The following PTPN12 variants were observed in gnomAD, a reference collection of about 807,000 sequenced individuals.
The protein encoded by PTPN12 is tyrosine-protein phosphatase non-receptor type 12.
PTPN12 carries 29 observed loss-of-function variants against 97.6 expected under a neutral mutation model. The observed-to-expected ratio is 0.30, with a 90% CI of 0.22 to 0.41. The LOEUF (loss-of-function observed/expected upper bound fraction) is 0.41. Among genes scored for constraint, PTPN12 ranks in the 10% least tolerant of loss-of-function variants. The pLI is 1.00. For synonymous variants in PTPN12, 327 were observed against 300.4 expected (o/e 1.09, Z -0.91); for missense variants, 819 against 926.0 (o/e 0.88, Z 1.50).
chr7:77,634,484 G>A (rs1182248764), intron 14 of PTPN12, among the ~76,000 whole-genome samples: 2 of 151,818 alleles, frequency 1.3e-5, no homozygotes, highest in Non-Finnish European at 2.9e-5. Context: ...CTGTCGCCCC[G>A]GCTGGAGTGC....
intron 4 of PTPN12, 32 bp downstream of exon 4, chr7:77,583,682 A>G (rs779826136): frequency 7.4e-7 from 1 of 1,348,176 alleles, no homozygotes; most frequent in South Asian, 1.3e-5. Flanking sequence ...ATAAATTTTG[A>G]GAAATACTTA....
chr7:77,555,613 A>C (rs1175966111), intron 1 of PTPN12, among the ~76,000 whole-genome samples: 1 of 152,132 alleles, frequency 6.6e-6, no homozygotes, highest in Non-Finnish European at 1.5e-5. Flanking sequence ...GTTTTTTAAA[A>C]AAATCTCTAG....
At chr7:77,538,314 C>A (rs1022388577) in intron 1 of PTPN12, among the ~76,000 whole-genome samples, 1 of 151,990 alleles carries the variant, frequency 6.6e-6, no homozygotes, top group Non-Finnish European at 1.5e-5. Flanking sequence ...TCTTGGGGTC[C>A]GTGTGACTAT....
intron 11 of PTPN12, among the ~76,000 whole-genome samples, chr7:77,617,774 C>G (rs1788801907): frequency 6.6e-6 from 1 of 152,090 alleles, no homozygotes; most frequent in African/African-American, 2.4e-5. Context: ...TTCACCGCTC[C>G]CCTATTCACA....
In PTPN12 at chr7:77,546,049, G is replaced by C. The variant is rs866033659; in HGVS notation, c.99+8404G>C. On this transcript the variant is annotated intron_variant, in intron 1 of 17. Transcript: ENST00000248594. ...TGGGTTCAAGCAATTCTGCTGCCTC[G>C]GTCTCCTGAGTAGCTGGGATTACGG... Among the ~76,000 whole-genome samples, 8 of 152,102 alleles carry C rather than the reference G, an allele frequency of 5.3e-5. No individual in the cohort carries two copies. In the East Asian group the frequency reaches 1.5e-3, roughly 29 times the overall value.
At chr7:77,555,218 CTT>C (rs199567759) in intron 1 of PTPN12, among the ~76,000 whole-genome samples, 10 of 138,390 alleles carry the variant, frequency 7.2e-5, no homozygotes, top group African/African-American at 1.6e-4. Flanking sequence ...ATTTGTTTAT[CTT>C]TTTTTTTTTT....
At chr7:77,633,425 C>T (rs1789474553) in intron 14 of PTPN12, among the ~76,000 whole-genome samples, 2 of 152,024 alleles carry the variant, frequency 1.3e-5, no homozygotes, top group Admixed American at 6.6e-5. Flanking sequence ...CTGGCTAACA[C>T]ACTGAAACCC....
chr7:77,553,945 CT>C (rs56333533), intron 1 of PTPN12, among the ~76,000 whole-genome samples: 103,264 of 147,284 alleles, frequency 0.7, 36,876 homozygotes, highest in East Asian at 0.89. Flanking sequence ...AGTTTTACTT[CT>C]TTTTTTTTTT....
At chr7:77,538,550 A>T (rs1265952783) in intron 1 of PTPN12, among the ~76,000 whole-genome samples, 2 of 148,692 alleles carry the variant, frequency 1.3e-5, no homozygotes, top group African/African-American at 2.5e-5. Context: ...CGCCTCCGCC[A>T]CCCCCTACTT....
At chr7:77,609,896 A>AG (rs1466223576) in intron 9 of PTPN12, among the ~76,000 whole-genome samples, 1 of 151,104 alleles carries the variant, frequency 6.6e-6, no homozygotes, top group African/African-American at 2.4e-5. Context: ...AAAAACAACA[A>AG]AAAAAAAACC....
chr7:77,597,273 G>A (rs1018806504), intron 6 of PTPN12, among the ~76,000 whole-genome samples: 10 of 152,070 alleles, frequency 6.6e-5, no homozygotes, highest in East Asian at 3.9e-4. Flanking sequence ...ACAGGTGCGC[G>A]CCACCACACA....
intron 1 of PTPN12, among the ~76,000 whole-genome samples, chr7:77,565,463 T>G (rs2151312807): frequency 6.6e-6 from 1 of 152,306 alleles, no homozygotes; most frequent in South Asian, 2.1e-4. Context: ...TGGTGGTGGT[T>G]TTTGGCTTGA....
intron 14 of PTPN12, 43 bp downstream of exon 14, chr7:77,632,468 A>T (rs1473605047): frequency 2.8e-6 from 4 of 1,423,372 alleles, no homozygotes; most frequent in Non-Finnish European, 4.0e-6. Flanking sequence ...ATATTCTAAT[A>T]ATAAACTCCG....
chr7:77,602,308 A>G (rs1462511054), intron 8 of PTPN12, among the ~76,000 whole-genome samples: 1 of 152,318 alleles, frequency 6.6e-6, no homozygotes, highest in East Asian at 1.9e-4. Context: ...AATAATACAA[A>G]GCTAAATATA....
intron 2 of PTPN12, among the ~76,000 whole-genome samples, chr7:77,574,992 C>T (rs1010989508): frequency 2.6e-5 from 4 of 151,814 alleles, no homozygotes; most frequent in Admixed American, 2.0e-4. Flanking sequence ...CCACCATGCC[C>T]AGCTAATTTT....
At chr7:77,592,906 T>G (rs1420797653) in intron 6 of PTPN12, among the ~76,000 whole-genome samples, 1 of 151,992 alleles carries the variant, frequency 6.6e-6, no homozygotes, top group African/African-American at 2.4e-5. Flanking sequence ...AAAATATAAG[T>G]GAATTTTAAA....
intron 12 of PTPN12, among the ~76,000 whole-genome samples, chr7:77,621,150 G>GAC (rs1002742994): frequency 6.6e-5 from 10 of 151,016 alleles, no homozygotes; most frequent in East Asian, 3.9e-4. Context: ...TTAAAAATAA[G>GAC]ACACACACAC....
intron 2 of PTPN12, among the ~76,000 whole-genome samples, chr7:77,577,120 G>A (rs1483383368): frequency 6.6e-6 from 1 of 152,184 alleles, no homozygotes; most frequent in Admixed American, 6.5e-5. Flanking sequence ...GGTCAAGTGA[G>A]TGAGAACAGG....
At position 77,592,224 on chromosome 7, in the gene PTPN12, C is replaced by G. The variant is rs199966255; in HGVS notation, c.460C>G (p.Pro154Ala). ...ERYWPLYGED[P>A]ITFAPFKISC... Reference sequence around the variant, plus strand: ...CTATTGGCCTTTGTATGGAGAAGACCCCATAACGTTTGCACCATTTAAAAT... The same window carrying G: ...CTATTGGCCTTTGTATGGAGAAGACGCCATAACGTTTGCACCATTTAAAAT... Residue 154 changes from proline (P) to alanine (A), a missense_variant, in exon 6 of 18, where the codon CCC becomes GCC. This residue lies in a region of PTPN12 where 45 missense variants were observed against 52.0 expected (regional missense o/e 0.87). Coordinates refer to ENST00000248594, the MANE Select transcript of PTPN12 (RefSeq NM_002835.4). 2.0e-4 allele frequency: 316 copies of G among 1,605,274 alleles called. 1 individual carries two copies. Among genetic ancestry groups the G allele is most frequent in the Non-Finnish European group, 1.1e-5 (13 of 1,177,768 alleles).
Sources: allele counts gnomAD v4.1 joint callset (sites outside exome capture counted in the v4.1 genomes callset), GRCh38; gene constraint gnomAD v4.1.1; regional missense constraint gnomAD v4.1.1; transcripts MANE v1.5; gene names NCBI Gene and HGNC (gene_info 2026-07-23, HGNC 2026-07-21).